The following LRRC37A2 variants were observed in gnomAD, a reference collection of about 807,000 sequenced individuals.
LRRC37A2 encodes leucine-rich repeat-containing protein 37A2.
A neutral mutation model predicts 68.8 loss-of-function variants in LRRC37A2; 9 were observed. The ratio of observed to expected loss-of-function variants is 0.13; its 90% CI spans 0.08 to 0.23. The LOEUF is 0.23. Among genes scored for constraint, LRRC37A2 ranks in the 10% least tolerant of loss-of-function variants. The pLI is 1.00. For missense variants in LRRC37A2, 168 were observed against 950.4 expected (o/e 0.18, Z 10.82); for synonymous variants, 63 against 367.6 (o/e 0.17, Z 9.48).
the LRRC37A2 span, among the ~76,000 whole-genome samples, chr17:46,919,265 G>A: frequency 1.3e-5 from 2 of 152,184 alleles, no homozygotes; most frequent in Non-Finnish European, 2.9e-5. Flanking sequence ...GTAAAATGAA[G>A]GAGAGGCTGG....
At chr17:47,018,702 C>A in the LRRC37A2 span, 3 of 1,520,500 alleles carry the variant, frequency 2.0e-6, no homozygotes, top group South Asian at 3.4e-5. Flanking sequence ...TGAGCATCCA[C>A]AGACCGCTGA....
chr17:46,929,829 A>C, the LRRC37A2 span: 1 of 500,650 alleles, frequency 2.0e-6, no homozygotes, highest in Non-Finnish European at 3.6e-6. Flanking sequence ...ATGGGAATGG[A>C]AGCGCTTGCC....
At chr17:46,814,983 G>A in the LRRC37A2 span, among the ~76,000 whole-genome samples, 1 of 152,170 alleles carries the variant, frequency 6.6e-6, no homozygotes, top group South Asian at 2.1e-4. Flanking sequence ...CAAGCTGTGA[G>A]GCAGGGCAGG....
chr17:47,037,837 T>C, the LRRC37A2 span, among the ~76,000 whole-genome samples: 2 of 152,240 alleles, frequency 1.3e-5, no homozygotes, highest in Non-Finnish European at 2.9e-5. Flanking sequence ...TTCTGTTTTT[T>C]TCTCAAGTCA....
the LRRC37A2 span, chr17:46,936,110 G>T: frequency 9.1e-6 from 9 of 985,922 alleles, no homozygotes; most frequent in Non-Finnish European, 1.1e-5. Flanking sequence ...GCTGACAGTT[G>T]CAGTGTCTCA....
the LRRC37A2 span, among the ~76,000 whole-genome samples, chr17:46,814,520 C>T: frequency 1.3e-5 from 2 of 152,200 alleles, no homozygotes; most frequent in African/African-American, 4.8e-5. Context: ...AGGGAAAGGT[C>T]TGCCCTGGAA....
At chr17:47,019,883 T>C in the LRRC37A2 span, 5 of 792,734 alleles carry the variant, frequency 6.3e-6, no homozygotes, top group African/African-American at 3.5e-5. Flanking sequence ...GGGCCTTCTT[T>C]ATCTCCCCAA....
the LRRC37A2 span, chr17:46,722,037 T>C: frequency 2.5e-6 from 4 of 1,609,450 alleles, no homozygotes; most frequent in Non-Finnish European, 3.4e-6. Flanking sequence ...GCCGTAATAT[T>C]CAGCTCCCTG....
At chr17:46,859,392 T>A in the LRRC37A2 span, among the ~76,000 whole-genome samples, 1 of 152,238 alleles carries the variant, frequency 6.6e-6, no homozygotes, top group South Asian at 2.1e-4. Context: ...TTCAGTGCCA[T>A]TTGTTGAAAT....
chr17:46,876,603 A>G, the LRRC37A2 span: 14 of 1,612,902 alleles, frequency 8.7e-6, no homozygotes, highest in South Asian at 2.2e-5. Flanking sequence ...GGGCGGGGCT[A>G]TGACACCCAG....
At chr17:46,851,019 T>C in the LRRC37A2 span, among the ~76,000 whole-genome samples, 1 of 152,330 alleles carries the variant, frequency 6.6e-6, no homozygotes, top group African/African-American at 2.4e-5. This position sits in a 1 kb window ranked among gnomAD's most constrained non-coding sequence, Gnocchi z 4.3. Context: ...ACTCTTTGCC[T>C]GGCAACAGGG....
At chr17:46,950,719 A>G in the LRRC37A2 span, among the ~76,000 whole-genome samples, 1 of 152,044 alleles carries the variant, frequency 6.6e-6, no homozygotes, top group Admixed American at 6.5e-5. Context: ...GAGGGCAGGG[A>G]CTGGTCTGTG....
chr17:46,732,208 A>T, the LRRC37A2 span, among the ~76,000 whole-genome samples: 1 of 152,200 alleles, frequency 6.6e-6, no homozygotes, highest in Non-Finnish European at 1.5e-5. Flanking sequence ...CAGTCACAGA[A>T]TCCTCAATTT....
the LRRC37A2 span, among the ~76,000 whole-genome samples, chr17:46,907,692 A>C: frequency 8.0e-6 from 1 of 125,268 alleles, no homozygotes; most frequent in African/African-American, 2.6e-5. Context: ...AAAAAAACAA[A>C]AAACCCAAAA....
the LRRC37A2 span, among the ~76,000 whole-genome samples, chr17:46,971,179 A>G: frequency 1.3e-5 from 2 of 152,014 alleles, no homozygotes; most frequent in Non-Finnish European, 2.9e-5. Context: ...CTCTACTAAC[A>G]TATAAAAATG....
chr17:46,598,635 C>T, the LRRC37A2 span, among the ~76,000 whole-genome samples: 2 of 151,918 alleles, frequency 1.3e-5, no homozygotes, highest in Non-Finnish European at 2.9e-5. Flanking sequence ...TAAAATTTGT[C>T]GAATCTAGTG....
the LRRC37A2 span, among the ~76,000 whole-genome samples, chr17:46,818,143 G>T: frequency 6.6e-6 from 1 of 152,094 alleles, no homozygotes; most frequent in African/African-American, 2.4e-5. Flanking sequence ...AAATGGAGAA[G>T]AGGAGTGGCT....
the LRRC37A2 span, among the ~76,000 whole-genome samples, chr17:46,817,621 C>A: frequency 6.9e-6 from 1 of 144,202 alleles, no homozygotes; most frequent in African/African-American, 2.5e-5. Context: ...CCAGGCCCCC[C>A]AGACACGCAC....
At chr17:46,837,185 C>T in the LRRC37A2 span, among the ~76,000 whole-genome samples, 1 of 152,200 alleles carries the variant, frequency 6.6e-6, no homozygotes, top group African/African-American at 2.4e-5. Context: ...TCGTGATCTG[C>T]CCGCCGCGGC....
Sources: allele counts gnomAD v4.1 joint callset (sites outside exome capture counted in the v4.1 genomes callset), GRCh38; gene constraint gnomAD v4.1.1; non-coding constraint Gnocchi (gnomAD v3.1); transcripts MANE v1.5; gene names NCBI Gene and HGNC (gene_info 2026-07-23, HGNC 2026-07-21).